ZNF722: variants seen among roughly 807,000 people sequenced by gnomAD.
ZNF722 encodes zinc finger protein 479 pseudogene.
chr7:64,011,267 T>A, the ZNF722 span, among the ~76,000 whole-genome samples: 4 of 152,162 alleles, frequency 2.6e-5, no homozygotes, highest in Non-Finnish European at 5.9e-5. Flanking sequence ...TTAATATTGT[T>A]AGGTATGAAT....
the ZNF722 span, among the ~76,000 whole-genome samples, chr7:64,009,958 G>A: frequency 6.6e-6 from 1 of 152,106 alleles, no homozygotes; most frequent in Non-Finnish European, 1.5e-5. Flanking sequence ...ACTTCTTCTT[G>A]TTTTAGTCTT....
chr7:64,017,569 G>A, the ZNF722 span, among the ~76,000 whole-genome samples: 1 of 152,320 alleles, frequency 6.6e-6, no homozygotes, highest in East Asian at 1.9e-4. Flanking sequence ...CCCTGAAGCA[G>A]ATGCTCAAAC....
At chr7:64,004,425 A>AAAAAATAT in the ZNF722 span, among the ~76,000 whole-genome samples, 234 of 61,090 alleles carry the variant, frequency 3.8e-3, 4 homozygotes, top group Non-Finnish European at 5.4e-3. Context: ...AAAAAAAAAA[A>AAAAAATAT]ATATATATAT....
chr7:64,009,850 C>A, the ZNF722 span, among the ~76,000 whole-genome samples: 1 of 152,088 alleles, frequency 6.6e-6, no homozygotes, highest in African/African-American at 2.4e-5. Context: ...TGGTAGAATT[C>A]GGCTGTGAAT....
chr7:64,006,299 A>C, the ZNF722 span: 1 of 1,303,964 alleles, frequency 7.7e-7, no homozygotes, highest in Non-Finnish European at 1.1e-6. Flanking sequence ...AAGAGAAATG[A>C]GATGGTAGCC....
At chr7:64,017,487 A>T in the ZNF722 span, among the ~76,000 whole-genome samples, 1 of 152,238 alleles carries the variant, frequency 6.6e-6, no homozygotes, top group Non-Finnish European at 1.5e-5. Flanking sequence ...CAAACATACA[A>T]ACATAAAGAG....
chr7:64,001,416 A>C, the ZNF722 span, among the ~76,000 whole-genome samples: 1 of 152,180 alleles, frequency 6.6e-6, no homozygotes, highest in South Asian at 2.1e-4. Context: ...GCTGCAAAGG[A>C]CATGATGTTG....
chr7:64,000,040 GA>G, the ZNF722 span, among the ~76,000 whole-genome samples: 1 of 151,032 alleles, frequency 6.6e-6, no homozygotes, highest in Admixed American at 6.6e-5. Flanking sequence ...AGTGAGAACC[GA>G]AAAAAATCAA....
the ZNF722 span, among the ~76,000 whole-genome samples, chr7:64,012,282 T>C: frequency 6.6e-6 from 1 of 152,198 alleles, no homozygotes; most frequent in African/African-American, 2.4e-5. Flanking sequence ...TGTCAACTCG[T>C]CAAAGTCATT....
At chr7:64,005,880 G>A in the ZNF722 span, 3 of 798,784 alleles carry the variant, frequency 3.8e-6, no homozygotes, top group East Asian at 8.5e-5. Flanking sequence ...GTGTAGAACA[G>A]ATTCTTCACG....
the ZNF722 span, among the ~76,000 whole-genome samples, chr7:64,000,390 A>G: frequency 3.6e-5 from 5 of 138,692 alleles, no homozygotes; most frequent in African/African-American, 8.1e-5. Flanking sequence ...GGGCTTCCCA[A>G]AGTGCTGGGA....
the ZNF722 span, chr7:64,015,561 G>C: frequency 6.2e-7 from 1 of 1,613,654 alleles, no homozygotes; most frequent in Non-Finnish European, 8.5e-7. Flanking sequence ...TCATACTGGA[G>C]AGAAACCCTA....
chr7:64,009,373 G>T, the ZNF722 span, among the ~76,000 whole-genome samples: 4 of 152,166 alleles, frequency 2.6e-5, no homozygotes, highest in African/African-American at 9.7e-5. Context: ...GATACTTTCT[G>T]TGGGTTTGTC....
the ZNF722 span, among the ~76,000 whole-genome samples, chr7:64,000,436 C>CTTTTTTTTT: frequency 0.024 from 578 of 23,704 alleles, 229 homozygotes; most frequent in Admixed American, 0.032. Flanking sequence ...CATGCCCGGC[C>CTTTTTTTTT]TTTTTTTTTT....
the ZNF722 span, among the ~76,000 whole-genome samples, chr7:64,017,126 T>C: frequency 6.6e-6 from 1 of 152,188 alleles, no homozygotes; most frequent in Admixed American, 6.5e-5. Context: ...TGGCTCACCC[T>C]TGAAATTCCA....
At chr7:64,001,365 C>G in the ZNF722 span, among the ~76,000 whole-genome samples, 1 of 152,156 alleles carries the variant, frequency 6.6e-6, no homozygotes, top group Non-Finnish European at 1.5e-5. Flanking sequence ...TGTTCCTGCA[C>G]TAGTTTTCTA....
At chr7:64,015,224 A>G in the ZNF722 span, 1 of 1,248,140 alleles carries the variant, frequency 8.0e-7, no homozygotes, top group Non-Finnish European at 1.2e-6. Flanking sequence ...CAAATACCCA[A>G]AACAAAATAT....
chr7:64,013,350 A>G, the ZNF722 span, among the ~76,000 whole-genome samples: 2 of 152,116 alleles, frequency 1.3e-5, no homozygotes, highest in African/African-American at 2.4e-5. Flanking sequence ...CATAATAGTT[A>G]TAGATTCCTA....
chr7:64,013,589 A>G, the ZNF722 span, among the ~76,000 whole-genome samples: 107,400 of 151,594 alleles, frequency 0.71, 38,604 homozygotes, highest in Non-Finnish European at 0.77. Flanking sequence ...TCTTATTGAT[A>G]TTGCTAATTG....
Sources: allele counts gnomAD v4.1 joint callset (sites outside exome capture counted in the v4.1 genomes callset), GRCh38; gene constraint gnomAD v4.1.1; transcripts MANE v1.5; gene names NCBI Gene and HGNC (gene_info 2026-07-23, HGNC 2026-07-21).